The following BANK1 variants were observed in gnomAD, a reference collection of about 807,000 sequenced individuals.
The protein encoded by BANK1 is B cell scaffold protein with ankyrin repeats 1.
In BANK1, 95 loss-of-function variants were observed where a neutral mutation model predicts 94.5. The ratio of observed to expected loss-of-function variants is 1.00; its 90% confidence interval spans 0.85 to 1.19. BANK1 has a LOEUF of 1.19. Ranked by LOEUF, BANK1 falls within the 50% of genes most tolerant of loss-of-function variation. BANK1 has a pLI of 0.00. For missense variants in BANK1, 987 were observed against 932.2 expected, an observed-to-expected ratio of 1.06 and a Z score of -0.77; for synonymous variants, 334 against 308.4, an observed-to-expected ratio of 1.08 and a Z score of -0.87.
chr4:101,981,154 G>A (rs1457972415), intron 7 of BANK1, among the ~76,000 whole-genome samples: 1 of 152,018 alleles, frequency 6.6e-6, no homozygotes, highest in Non-Finnish European at 1.5e-5. Flanking sequence ...TCCAACTTTA[G>A]TGAAAATGCC....
chr4:101,927,819 AT>A (rs1405003790), intron 7 of BANK1, among the ~76,000 whole-genome samples: 1 of 151,696 alleles, frequency 6.6e-6, no homozygotes, highest in Non-Finnish European at 1.5e-5. Flanking sequence ...TAAATTTGAA[AT>A]GCCTACTATG....
chr4:101,879,215 G>C (rs1299881727), intron 5 of BANK1, among the ~76,000 whole-genome samples: 1 of 151,910 alleles, frequency 6.6e-6, no homozygotes, highest in Non-Finnish European at 1.5e-5. Flanking sequence ...AGCAAAACTA[G>C]CTAATGGTAA....
chr4:101,803,770 G>A (rs2148851283), intron 1 of BANK1, among the ~76,000 whole-genome samples: 1 of 151,736 alleles, frequency 6.6e-6, no homozygotes, highest in East Asian at 1.9e-4. Context: ...GGCCGAGGCG[G>A]GCGGATCACG....
intron 7 of BANK1, among the ~76,000 whole-genome samples, chr4:101,940,783 C>A (rs187986893): frequency 2.0e-5 from 3 of 151,890 alleles, no homozygotes; most frequent in African/African-American, 7.2e-5. Flanking sequence ...TATTTCCTAT[C>A]AACATAACTC....
intron 7 of BANK1, among the ~76,000 whole-genome samples, chr4:102,007,170 A>ATATATATATATATAATATATTTTATATAT (rs1560682419): frequency 8.8e-6 from 1 of 113,260 alleles, no homozygotes; most frequent in African/African-American, 3.2e-5. Context: ...ATATATATAT[A>ATATATATATATATAATATATTTTATATAT]AAATCCCTAA....
At chr4:101,901,854 A>C (rs1050326776) in intron 6 of BANK1, among the ~76,000 whole-genome samples, 3 of 151,812 alleles carry the variant, frequency 2.0e-5, no homozygotes, top group African/African-American at 7.3e-5. Context: ...TCTGCCTCCT[A>C]GGTTCACACC....
At chr4:101,990,470 T>C (rs914410789) in intron 7 of BANK1, among the ~76,000 whole-genome samples, 1 of 152,218 alleles carries the variant, frequency 6.6e-6, no homozygotes, top group Non-Finnish European at 1.5e-5. Context: ...TTAAAACTTA[T>C]TGCTATTGTA....
At chr4:101,852,343 T>C (rs1016169092) in intron 2 of BANK1, among the ~76,000 whole-genome samples, 2 of 150,250 alleles carry the variant, frequency 1.3e-5, no homozygotes, top group Non-Finnish European at 3.0e-5. Flanking sequence ...ACATTTTCAG[T>C]GTAGAAAAAT....
chr4:101,902,440 A>G (rs918138363), intron 6 of BANK1, among the ~76,000 whole-genome samples: 4 of 152,178 alleles, frequency 2.6e-5, no homozygotes, highest in South Asian at 2.1e-4. Context: ...GTAATTTTCA[A>G]TTTGTTTTGT....
At chr4:101,979,658 T>C (rs1333308331) in intron 7 of BANK1, among the ~76,000 whole-genome samples, 11 of 151,866 alleles carry the variant, frequency 7.2e-5, no homozygotes, top group Admixed American at 7.2e-4. Context: ...TCTCACATTC[T>C]TAAGGACTGC....
At chr4:101,936,376 C>A (rs1010472474) in intron 7 of BANK1, among the ~76,000 whole-genome samples, 1 of 149,408 alleles carries the variant, frequency 6.7e-6, no homozygotes, top group African/African-American at 2.4e-5. Context: ...TATATGTGTG[C>A]ATACATGCAT....
At chr4:102,000,267 G>A (rs1259606947) in intron 7 of BANK1, among the ~76,000 whole-genome samples, 1 of 116,036 alleles carries the variant, frequency 8.6e-6, no homozygotes, top group Non-Finnish European at 1.9e-5. Flanking sequence ...AAGTTGCAGT[G>A]AGCCAAGATT....
chr4:101,901,563 G>A (rs930374244), intron 6 of BANK1, among the ~76,000 whole-genome samples: 2 of 152,062 alleles, frequency 1.3e-5, no homozygotes, highest in Non-Finnish European at 2.9e-5. Context: ...GAAGCTATAG[G>A]ACAAATTATG....
At chr4:101,880,261 A>C (rs539423872) in intron 5 of BANK1, among the ~76,000 whole-genome samples, 2 of 152,116 alleles carry the variant, frequency 1.3e-5, no homozygotes, top group African/African-American at 4.8e-5. Flanking sequence ...TAAAATCAGC[A>C]TACAAAAAAC....
rs1002358770 is a variant in BANK1, at chr4:102,035,565, A to G, written c.1900+5300A>G. Among the ~76,000 whole-genome samples the G allele has an allele frequency of 2.5e-4, 38 of 150,790 alleles. 1 individual carries two copies. Among genetic ancestry groups the G allele is most frequent in the Non-Finnish European group, 2.9e-4 (20 of 67,810 alleles). On this transcript the variant is annotated intron_variant, in intron 10 of 16. Transcript: ENST00000322953. ...TGGGAGGCTGAGGCAGGAGAATGGCATGAACCCGGGAGGCAGAGCTTGCAG... is the reference window on the plus strand; with the variant it reads ...TGGGAGGCTGAGGCAGGAGAATGGCGTGAACCCGGGAGGCAGAGCTTGCAG...
intron 10 of BANK1, chr4:102,032,386 T>C (rs1470857313): frequency 1.3e-5 from 2 of 152,200 alleles, no homozygotes; most frequent in Non-Finnish European, 2.9e-5. Context: ...CTTTTCTCTT[T>C]TAGGTGGGTA....
intron 7 of BANK1, among the ~76,000 whole-genome samples, chr4:101,992,820 A>G (rs1274872110): frequency 6.6e-6 from 1 of 152,204 alleles, no homozygotes; most frequent in Non-Finnish European, 1.5e-5. Context: ...TCAAAATATT[A>G]TCTGATTCCT....
intron 4 of BANK1, 107 bp downstream of exon 4, chr4:101,862,771 A>G (rs571537087): frequency 4.2e-6 from 5 of 1,189,610 alleles, no homozygotes; most frequent in Admixed American, 7.1e-5. Context: ...ATTGTTCTGC[A>G]GGTGTTTCCT....
At chr4:101,793,635 C>G (rs58920836) in intron 1 of BANK1, among the ~76,000 whole-genome samples, 4,790 of 152,192 alleles carry the variant, frequency 0.031, 248 homozygotes, top group African/African-American at 0.11. Context: ...GATCTAGTCC[C>G]AGCTTCATTG....
Sources: allele counts gnomAD v4.1 joint callset (sites outside exome capture counted in the v4.1 genomes callset), GRCh38; gene constraint gnomAD v4.1.1; transcripts MANE v1.5; gene names NCBI Gene and HGNC (gene_info 2026-07-23, HGNC 2026-07-21).